Variants in OPCML observed in about 807,000 individuals in gnomAD.
OPCML encodes the protein opioid binding protein/cell adhesion molecule like.
OPCML carries 13 observed loss-of-function variants against 37.8 expected under a neutral mutation model. The observed-to-expected ratio is 0.34, with a 90% CI of 0.22 to 0.55. The LOEUF (loss-of-function observed/expected upper bound fraction) is 0.55, where lower values mean the gene tolerates loss of function less well. Among genes scored for constraint, OPCML ranks in the 20% least tolerant of loss-of-function variants. The probability of loss-of-function intolerance (pLI) is 0.91; values close to 1 mark genes in which losing one functional copy is unlikely to be tolerated. For missense variants in OPCML, 341 were observed against 435.6 expected, an observed-to-expected ratio of 0.78 and a Z score of 1.93; for synonymous variants, 176 against 168.8, an observed-to-expected ratio of 1.04 and a Z score of -0.33.
intron 2 of OPCML, among the ~76,000 whole-genome samples, chr11:132,810,133 G>A (rs1228107897): frequency 6.6e-6 from 1 of 152,134 alleles, no homozygotes; most frequent in Non-Finnish European, 1.5e-5. Flanking sequence ...AGAGGCGTGA[G>A]CCACCACACC....
At chr11:133,266,538 T>C (rs903232194) in intron 1 of OPCML, among the ~76,000 whole-genome samples, 2 of 152,338 alleles carry the variant, frequency 1.3e-5, no homozygotes, top group Admixed American at 1.3e-4. Flanking sequence ...TATTTCCCAC[T>C]AAAGTGTGTG....
At chr11:133,496,807 C>G (rs768012772) in intron 1 of OPCML, among the ~76,000 whole-genome samples, 7 of 152,112 alleles carry the variant, frequency 4.6e-5, no homozygotes, top group Non-Finnish European at 7.4e-5. Context: ...CTGGAGGAGT[C>G]CTTAGGGTTT....
intron 1 of OPCML, among the ~76,000 whole-genome samples, chr11:133,207,744 G>A (rs1939148739): frequency 6.6e-6 from 1 of 152,142 alleles, no homozygotes; most frequent in South Asian, 2.1e-4. Flanking sequence ...GAGGAAGAAG[G>A]CAGATTGTCA....
chr11:133,516,973 C>A (rs1325461386), intron 1 of OPCML, among the ~76,000 whole-genome samples: 1 of 152,196 alleles, frequency 6.6e-6, no homozygotes, highest in Non-Finnish European at 1.5e-5. Context: ...GGCATTGTAC[C>A]CACATCCAGA....
chr11:132,951,719 G>T (rs905328499), intron 1 of OPCML, among the ~76,000 whole-genome samples: 3 of 152,180 alleles, frequency 2.0e-5, no homozygotes, highest in Non-Finnish European at 2.9e-5. Flanking sequence ...GGGCAGATAA[G>T]CTGTACAGAG....
chr11:132,422,586 G>A (rs954407827), intron 7 of OPCML, among the ~76,000 whole-genome samples: 2 of 152,214 alleles, frequency 1.3e-5, no homozygotes, highest in African/African-American at 2.4e-5. Flanking sequence ...TGCTCTCCAC[G>A]TGGCAAGCAC....
chr11:132,705,274 T>G (rs1054173138), intron 2 of OPCML, among the ~76,000 whole-genome samples: 7 of 152,016 alleles, frequency 4.6e-5, no homozygotes, highest in Non-Finnish European at 8.8e-5. Flanking sequence ...GTGAGTGAGT[T>G]CTCGGGAGTT....
intron 2 of OPCML, among the ~76,000 whole-genome samples, chr11:132,716,312 G>T (rs1240636143): frequency 2.0e-5 from 3 of 152,208 alleles, no homozygotes; most frequent in Non-Finnish European, 4.4e-5. Context: ...GACCTGGGCT[G>T]CAGCGAAGAT....
At chr11:132,931,566 C>G (rs113710349) in intron 2 of OPCML, among the ~76,000 whole-genome samples, 1 of 152,174 alleles carries the variant, frequency 6.6e-6, no homozygotes, top group Admixed American at 6.5e-5. Context: ...ATCAACATCA[C>G]TAATCATTAG....
intron 2 of OPCML, among the ~76,000 whole-genome samples, chr11:132,751,603 C>G (rs1945836326): frequency 6.6e-6 from 1 of 152,220 alleles, no homozygotes; most frequent in African/African-American, 2.4e-5. Context: ...AATCTTCACT[C>G]CAATTTCAAG....
intron 4 of OPCML, among the ~76,000 whole-genome samples, chr11:132,464,440 G>A (rs1417243411): frequency 1.3e-5 from 2 of 152,172 alleles, no homozygotes; most frequent in Admixed American, 6.5e-5. Flanking sequence ...TAGAATGTAA[G>A]CTCCACGAGA....
intron 1 of OPCML, among the ~76,000 whole-genome samples, chr11:133,412,841 A>G (rs765479394): frequency 1.6e-4 from 24 of 152,226 alleles, no homozygotes; most frequent in Non-Finnish European, 2.9e-4. Context: ...TACAGGACAC[A>G]CTATTCTAAA....
In OPCML at chr11:133,016,270, T is replaced by G. The variant is rs530145157; in HGVS notation, c.62-73260A>C. 2.4e-4 allele frequency among the ~76,000 whole-genome samples: 36 copies of G among 152,294 alleles called. No individual in the cohort carries two copies. The South Asian group carries it at 3.7e-3, about 16-fold the overall frequency. ...GGGGTCAAACAGCCTGGATTCCTAT[T>G]TGGGGCCCCTGCAGAAGATCTGCTT... is the stretch of plus-strand genomic sequence containing the variant. On this transcript the variant is annotated intron_variant, in intron 1 of 7. Coordinates refer to ENST00000524381, the MANE Select transcript of OPCML (RefSeq NM_001012393.5).
At chr11:133,028,584 A>T (rs1256497630) in intron 1 of OPCML, among the ~76,000 whole-genome samples, 1 of 148,672 alleles carries the variant, frequency 6.7e-6, no homozygotes, top group Non-Finnish European at 1.5e-5. Flanking sequence ...AGAGAGAGAG[A>T]TTCATGAATG....
intron 1 of OPCML, chr11:133,007,542 AG>A (rs2136865705): frequency 1.0e-6 from 1 of 985,352 alleles, no homozygotes; most frequent in East Asian, 1.1e-4. Context: ...TGGGGAACTG[AG>A]CATTCAAAGG....
chr11:133,526,652 A>T (rs1395078912), intron 1 of OPCML, among the ~76,000 whole-genome samples: 1 of 152,186 alleles, frequency 6.6e-6, no homozygotes, highest in Non-Finnish European at 1.5e-5. Context: ...TGAGTGGTGT[A>T]TAAATCCAGC....
intron 1 of OPCML, among the ~76,000 whole-genome samples, chr11:133,472,161 C>G (rs1947131010): frequency 6.6e-6 from 1 of 152,096 alleles, no homozygotes; most frequent in South Asian, 2.1e-4. Flanking sequence ...CTTTTAGTTG[C>G]TTTTCTTTTC....
intron 1 of OPCML, among the ~76,000 whole-genome samples, chr11:133,335,824 C>G (rs907667997): frequency 6.6e-6 from 1 of 151,874 alleles, no homozygotes; most frequent in East Asian, 1.9e-4. Flanking sequence ...AACTGATAAC[C>G]CGTTGAGGTC....
intron 1 of OPCML, among the ~76,000 whole-genome samples, chr11:133,363,809 A>G (rs916362675): frequency 6.6e-6 from 1 of 152,044 alleles, no homozygotes; most frequent in Non-Finnish European, 1.5e-5. Context: ...GGCTCTCTCT[A>G]TTTCTTTGCA....
Sources: gnomAD v4.1 joint callset for allele counts (sites outside exome capture counted in the v4.1 genomes callset) on GRCh38, gnomAD v4.1.1 for gene constraint, MANE v1.5 for transcripts, NCBI Gene and HGNC (gene_info 2026-07-23, HGNC 2026-07-21) for gene names.